The following MED12L variants were observed in gnomAD, a reference collection of about 807,000 sequenced individuals.
The protein encoded by MED12L is mediator of RNA polymerase II transcription subunit 12-like protein.
Under a neutral mutation model 281.3 loss-of-function variants are expected in MED12L, and 60 were observed. The ratio of observed to expected loss-of-function variants is 0.21; its 90% CI spans 0.17 to 0.26. The LOEUF is 0.26. Ranked by LOEUF, MED12L falls within the 10% of genes least tolerant of loss-of-function variation. The pLI is 1.00. For synonymous variants in MED12L, 974 were observed against 987.2 expected (o/e 0.99, Z 0.25); for missense variants, 2,146 against 2,680.9 (o/e 0.80, Z 4.41).
chr3:151,360,608 G>C lies in MED12L; in HGVS notation c.2957+3G>C. On this transcript the variant is annotated splice_donor_region_variant and intron_variant, in intron 21 of 44. Transcript: ENST00000687756. Reference sequence around the variant, plus strand: ...AGTAAATTTGGAGACCTCTTCAGGTGAGTAGAAGAGACTCAAAAGGACAGA... The same window carrying C: ...AGTAAATTTGGAGACCTCTTCAGGTCAGTAGAAGAGACTCAAAAGGACAGA... 1 of 1,608,028 alleles carries C rather than the reference G, an allele frequency of 6.2e-7. No individual in the cohort carries two copies. The highest frequency in any genetic ancestry group is 8.5e-7 in the Non-Finnish European group (1 of 1,177,452).
In MED12L at chr3:151,417,485, G is replaced by A. The variant is rs868291702; in HGVS notation, c.6408+1063G>A. Among the ~76,000 whole-genome samples the A allele has an allele frequency of 3.8e-4, 4 of 10,568 alleles. 1 individual carries two copies. The East Asian group carries it at 0.014, about 38-fold the overall frequency. 6.9% of individuals were successfully genotyped at this position (10,568 alleles called of 152,430 possible). A position where few individuals can be genotyped will look rare whatever the true frequency, so the allele number is the denominator to read the frequency against. ...GTTCCGCTCCCCCAGCTCCCCCCCC[G>A]CCTTTTTTTTTTTTTTTTTTTGAGA... On this transcript the variant is annotated intron_variant, in intron 43 of 44. Coordinates refer to ENST00000687756, the MANE Select transcript of MED12L (RefSeq NM_001393769.1).
chr3:151,312,912 C>A (rs1158806370), intron 16 of MED12L, among the ~76,000 whole-genome samples: 1 of 152,130 alleles, frequency 6.6e-6, no homozygotes, highest in East Asian at 1.9e-4. Context: ...TCAAACTTGA[C>A]ATGTAGTAAT....
chr3:151,281,705 C>G (rs1742835209), intron 16 of MED12L, among the ~76,000 whole-genome samples: 1 of 152,114 alleles, frequency 6.6e-6, no homozygotes, highest in South Asian at 2.1e-4. Flanking sequence ...CCTGACTAAT[C>G]TTTTTCTCAG....
At chr3:151,338,038 A>C in intron 16 of MED12L, 1 of 1,614,160 alleles carries the variant, frequency 6.2e-7, no homozygotes, top group Non-Finnish European at 8.5e-7. Context: ...TCAGCAGTGC[A>C]GTCAAAGACA....
chr3:151,132,442 T>C (rs1031813997), intron 5 of MED12L, among the ~76,000 whole-genome samples: 2 of 152,248 alleles, frequency 1.3e-5, no homozygotes. Flanking sequence ...TTTTGTAGAC[T>C]GTCCATTGAT....
Position 151,387,692 on chromosome 3 carries a change from G to A in MED12L, c.5089-118G>A, listed in dbSNP as rs1212037374. On this transcript the variant is annotated intron_variant, in intron 36 of 44. Transcript: ENST00000687756. ...GTGTAACCCTCTCTGCTGTATTCTC[G>A]GGTTCTCTAGGGCTCATGCCAGCCA... 25 of 1,212,644 alleles carry A rather than the reference G, an allele frequency of 2.1e-5. No homozygotes were observed. The East Asian group carries it at 2.4e-4, about 11-fold the overall frequency. The allele number at this position is 1,212,644 out of a possible 1,614,324, so 75.1% of individuals were successfully genotyped here.
intron 5 of MED12L, among the ~76,000 whole-genome samples, chr3:151,131,153 C>T (rs1715335798): frequency 6.6e-6 from 1 of 152,166 alleles, no homozygotes; most frequent in Non-Finnish European, 1.5e-5. Flanking sequence ...CTACTCCATT[C>T]CTTATGTTCT....
intron 16 of MED12L, chr3:151,328,738 C>G: frequency 6.2e-7 from 1 of 1,613,960 alleles, no homozygotes; most frequent in South Asian, 1.1e-5. Context: ...GCCAGGGTGC[C>G]AGGTGTGAGT....
intron 5 of MED12L, among the ~76,000 whole-genome samples, chr3:151,131,405 A>G (rs1307548948): frequency 1.3e-5 from 2 of 152,274 alleles, no homozygotes; most frequent in Non-Finnish European, 2.9e-5. Context: ...GTTTAAGACC[A>G]ATCTAGGCAA....
chr3:151,090,261 G>T (rs1193980209), intron 2 of MED12L, among the ~76,000 whole-genome samples: 1 of 152,086 alleles, frequency 6.6e-6, no homozygotes, highest in Non-Finnish European at 1.5e-5. Flanking sequence ...TTAACTCATA[G>T]GGCTGTTGGA....
At chr3:151,185,184 A>G in intron 11 of MED12L, 146 bp from the exon 12 acceptor site, 2 of 656,758 alleles carry the variant, frequency 3.0e-6, no homozygotes, top group Non-Finnish European at 4.9e-6. Flanking sequence ...TCAATTAAAA[A>G]TGTTTTGGAA....
In MED12L at chr3:151,086,917, A is replaced by G. The variant is rs1410164101; in HGVS notation, c.-10A>G. The stretch of plus-strand genomic sequence containing the variant: ...ACTCTCATTCATTTCGCCGGTTAAC[A>G]TGAGAGATCATGGCCGCCTTCGGGC... On this transcript the variant is annotated 5_prime_UTR_variant, in exon 2 of 45. The change abolishes an upstream ATG in the 5' untranslated region. Transcript: ENST00000687756. The G allele has an allele frequency of 1.9e-6, 3 of 1,581,134 alleles. No homozygotes were observed. Among genetic ancestry groups the G allele is most frequent in the South Asian group, 2.3e-5 (2 of 86,956 alleles).
At chr3:151,417,053 A>G (rs6769724) in intron 43 of MED12L, among the ~76,000 whole-genome samples, 5,743 of 152,292 alleles carry the variant, frequency 0.038, 366 homozygotes, top group African/African-American at 0.13. Context: ...AAATAAATGT[A>G]GTTTTCAAAG....
At chr3:151,255,641 G>A (rs1401445353) in intron 16 of MED12L, among the ~76,000 whole-genome samples, 2 of 152,160 alleles carry the variant, frequency 1.3e-5, no homozygotes, top group Non-Finnish European at 2.9e-5. Context: ...TGGCCCCTGA[G>A]ATGAAACCTT....
intron 16 of MED12L, chr3:151,328,238 A>G: frequency 1.2e-6 from 2 of 1,613,904 alleles, no homozygotes; most frequent in Non-Finnish European, 1.7e-6. Context: ...AACTCTGGCA[A>G]AATGAAATGG....
Position 151,163,923 on chromosome 3 carries a change from G to C in MED12L, c.1138G>C (p.Val380Leu). 6.2e-7 allele frequency: 1 copy of C among 1,613,236 alleles called. No individual in the cohort carries two copies. Among genetic ancestry groups the C allele is most frequent in the South Asian group, 1.1e-5 (1 of 90,920 alleles). The change falls in exon 9 of 45, where the codon GTG (valine) becomes CTG (leucine). Residue 380 changes from valine to leucine, a missense_variant. Val to Leu is a conservative substitution (Grantham distance 32). This residue lies in a region of MED12L where 722 missense variants were observed against 861.2 expected (regional missense o/e 0.84). Transcript: ENST00000687756. ...TVTLCCPSAL[V>L]WNYSTNENKS... is the part of the protein sequence containing the mutation. Reference sequence around the variant, plus strand: ...CACTCTCTGTTGCCCAAGTGCCTTGGTGTGGAATTATTCCACAAATGAAAA... The same window carrying C: ...CACTCTCTGTTGCCCAAGTGCCTTGCTGTGGAATTATTCCACAAATGAAAA...
intron 16 of MED12L, chr3:151,213,217 G>C (rs971083537): frequency 3.1e-5 from 32 of 1,022,138 alleles, no homozygotes; most frequent in Non-Finnish European, 4.2e-5. Flanking sequence ...TTTATGATGA[G>C]GGCACATATC....
chr3:151,126,350 C>T (rs1219882711), intron 4 of MED12L, among the ~76,000 whole-genome samples: 1 of 152,174 alleles, frequency 6.6e-6, no homozygotes, highest in East Asian at 1.9e-4. Context: ...GGCCTATATG[C>T]TGCATCTTAC....
At chr3:151,111,733 C>T (rs1711930276) in intron 2 of MED12L, among the ~76,000 whole-genome samples, 3 of 152,156 alleles carry the variant, frequency 2.0e-5, no homozygotes, top group African/African-American at 4.8e-5. Flanking sequence ...GTTTCTTAAA[C>T]CCAGAGCCTG....
Sources: gnomAD v4.1 joint callset for allele counts (sites outside exome capture counted in the v4.1 genomes callset) on GRCh38, gnomAD v4.1.1 for gene constraint, gnomAD v4.1.1 regional missense constraint, MANE v1.5 for transcripts, NCBI Gene and HGNC (gene_info 2026-07-23, HGNC 2026-07-21) for gene names.